Variants in RMDN2 observed in about 807,000 individuals in gnomAD.
The protein encoded by RMDN2 is regulator of microtubule dynamics protein 2.
Under a neutral mutation model 52.8 loss-of-function variants are expected in RMDN2, and 61 were observed. The observed-to-expected ratio is 1.16, with a 90% CI of 0.94 to 1.43. The LOEUF (loss-of-function observed/expected upper bound fraction) is 1.43. RMDN2 is among the 40% of genes most tolerant of loss of function. RMDN2 has a pLI of 0.00. For synonymous variants in RMDN2, 180 were observed against 153.1 expected, an observed-to-expected ratio of 1.18 and a Z score of -1.30; for missense variants, 592 against 475.3, an observed-to-expected ratio of 1.25 and a Z score of -2.28.
intron 2 of RMDN2, among the ~76,000 whole-genome samples, chr2:37,970,519 G>T (rs893234020): frequency 6.6e-6 from 1 of 152,014 alleles, no homozygotes; most frequent in East Asian, 1.9e-4. Flanking sequence ...TTCATGTTTG[G>T]TTTTTGTGTC....
intron 8 of RMDN2, among the ~76,000 whole-genome samples, chr2:37,999,931 C>T (rs942226538): frequency 6.6e-6 from 1 of 152,146 alleles, no homozygotes; most frequent in African/African-American, 2.4e-5. Context: ...CTCTCAAATT[C>T]TTCATCCGTG....
intron 7 of RMDN2, among the ~76,000 whole-genome samples, chr2:37,994,180 C>T (rs1675197485): frequency 6.6e-6 from 1 of 152,076 alleles, no homozygotes; most frequent in Non-Finnish European, 1.5e-5. Context: ...AACAAAAAAC[C>T]AGCAGTGGAC....
At chr2:38,051,941 T>C (rs1681627885) in intron 10 of RMDN2, among the ~76,000 whole-genome samples, 1 of 152,240 alleles carries the variant, frequency 6.6e-6, no homozygotes, top group Non-Finnish European at 1.5e-5. Context: ...TGCAGGTTGA[T>C]TTCATGTCTT....
intron 10 of RMDN2, among the ~76,000 whole-genome samples, chr2:38,035,070 T>G (rs1680481257): frequency 6.6e-6 from 1 of 152,152 alleles, no homozygotes; most frequent in African/African-American, 2.4e-5. Context: ...TCATTTATGT[T>G]GGCAAATAAA....
At chr2:37,957,434 G>A (rs1008981796) in intron 2 of RMDN2, among the ~76,000 whole-genome samples, 2 of 151,204 alleles carry the variant, frequency 1.3e-5, no homozygotes, top group Admixed American at 1.3e-4. Context: ...TCGTATGTTT[G>A]TTGGCTGCTT....
chr2:37,986,897 T>C (rs543860755), intron 5 of RMDN2, among the ~76,000 whole-genome samples: 1 of 152,194 alleles, frequency 6.6e-6, no homozygotes, highest in South Asian at 2.1e-4. Context: ...TTTCCCACCA[T>C]TGAGAAACTA....
At chr2:38,018,665 TG>T (rs1573130350), downstream of RMDN2, among the ~76,000 whole-genome samples, 1 of 152,322 alleles carries the variant, frequency 6.6e-6, no homozygotes, top group East Asian at 1.9e-4. Context: ...GAGCATCTGG[TG>T]GGGAATACAC....
At chr2:37,997,749 A>G (rs934277278) in intron 8 of RMDN2, 4 of 440,432 alleles carry the variant, frequency 9.1e-6, no homozygotes, top group Non-Finnish European at 1.6e-5. Flanking sequence ...CTTTTTAAAA[A>G]TAACCCAGCA....
rs899140848 is a variant in RMDN2 at position 38,000,644 on chromosome 2, T to A, written c.1044+3130T>A. Among the ~76,000 whole-genome samples, 7 of 152,226 alleles carry A rather than the reference T, an allele frequency of 4.6e-5. No individual in the cohort carries two copies. The East Asian group carries it at 1.2e-3, about 25-fold the overall frequency. On this transcript the variant is annotated intron_variant, in intron 8 of 10. Coordinates refer to ENST00000354545, the MANE Select transcript of RMDN2 (RefSeq NM_001170791.3). ...CTGGCTTTTACTCAGCATACTGTTT[T>A]GAGATTCATTCATTTTATTGAGTGT... is the stretch of plus-strand genomic sequence containing the variant.
At chr2:37,988,046 A>T (rs12623420) in intron 5 of RMDN2, among the ~76,000 whole-genome samples, 1 of 152,138 alleles carries the variant, frequency 6.6e-6, no homozygotes, top group East Asian at 1.9e-4. Context: ...GCGATAGAGC[A>T]TGTCTTCATC....
chr2:37,948,835 G>C (rs1668451985), intron 2 of RMDN2, among the ~76,000 whole-genome samples: 1 of 152,100 alleles, frequency 6.6e-6, no homozygotes. Context: ...TCGGGGGAGT[G>C]ATCTGACCTC....
intron 2 of RMDN2, among the ~76,000 whole-genome samples, chr2:37,935,062 T>C (rs1328229467): frequency 1.3e-5 from 2 of 152,212 alleles, no homozygotes; most frequent in Non-Finnish European, 2.9e-5. Flanking sequence ...TTTTTTCTTT[T>C]CTTCTTGCCC....
At chr2:38,020,830 C>G (rs938238504), downstream of RMDN2, among the ~76,000 whole-genome samples, 1 of 152,134 alleles carries the variant, frequency 6.6e-6, no homozygotes, top group Admixed American at 6.5e-5. Context: ...GAGCCTCCCC[C>G]ACGAGCGCCA....
chr2:37,937,967 C>G (rs1014468358), intron 2 of RMDN2, among the ~76,000 whole-genome samples: 1 of 152,014 alleles, frequency 6.6e-6, no homozygotes, highest in Admixed American at 6.6e-5. Context: ...TGTCTTGTGC[C>G]GGTTTTTAAA....
intron 10 of RMDN2, among the ~76,000 whole-genome samples, chr2:38,061,469 T>G (rs1043720001): frequency 6.6e-6 from 1 of 150,564 alleles, no homozygotes; most frequent in Admixed American, 6.6e-5. Context: ...GCAACCCTCT[T>G]TTTTTTTTAA....
At chr2:38,010,860 G>A (rs1179018660) in intron 10 of RMDN2, among the ~76,000 whole-genome samples, 1 of 152,140 alleles carries the variant, frequency 6.6e-6, no homozygotes, top group African/African-American at 2.4e-5. Context: ...CTCCACCCCA[G>A]AGTTTTCTTT....
intron 10 of RMDN2, among the ~76,000 whole-genome samples, chr2:38,061,916 G>C (rs1003111824): frequency 6.6e-6 from 1 of 152,092 alleles, no homozygotes; most frequent in South Asian, 2.1e-4. Context: ...TGAGAATCTG[G>C]CACCACTTTA....
At chr2:37,994,915 C>G (rs1675305630) in intron 7 of RMDN2, among the ~76,000 whole-genome samples, 1 of 152,144 alleles carries the variant, frequency 6.6e-6, no homozygotes, top group South Asian at 2.1e-4. Context: ...AGAAGACTAC[C>G]TAATTGCATT....
intron 2 of RMDN2, among the ~76,000 whole-genome samples, chr2:37,932,897 G>A (rs992382860): frequency 1.3e-5 from 2 of 150,410 alleles, no homozygotes; most frequent in East Asian, 2.0e-4. Flanking sequence ...GGACGGGGCG[G>A]CTGGCCGGGC....
Sources: allele counts gnomAD v4.1 joint callset (sites outside exome capture counted in the v4.1 genomes callset), GRCh38; gene constraint gnomAD v4.1.1; transcripts MANE v1.5; gene names NCBI Gene and HGNC (gene_info 2026-07-23, HGNC 2026-07-21).